AFAP1L2: variants seen among roughly 807,000 people sequenced by gnomAD.
The protein encoded by AFAP1L2 is actin filament associated protein 1 like 2, also known as actin filament-associated protein 1-like 2.
Under a neutral mutation model 99.3 loss-of-function variants are expected in AFAP1L2, and 46 were observed. The ratio of observed to expected loss-of-function variants is 0.46; its 90% CI spans 0.37 to 0.59. AFAP1L2 has a LOEUF of 0.59. Among genes scored for constraint, AFAP1L2 ranks in the 20% least tolerant of loss-of-function variants. AFAP1L2 has a pLI of 0.00. For synonymous variants in AFAP1L2, 397 were observed against 419.1 expected (o/e 0.95, Z 0.64); for missense variants, 959 against 1,034.9 (o/e 0.93, Z 1.01).
intron 4 of AFAP1L2, among the ~76,000 whole-genome samples, chr10:114,325,293 G>T (rs780679253): frequency 6.6e-6 from 1 of 152,208 alleles, no homozygotes; most frequent in Non-Finnish European, 1.5e-5. Context: ...CACTGTCTGG[G>T]GCCCCTCCAC....
chr10:114,384,329 C>T (rs74157596), intron 1 of AFAP1L2, among the ~76,000 whole-genome samples: 1,824 of 151,610 alleles, frequency 0.012, 43 homozygotes, highest in African/African-American at 0.042. Context: ...TGTCGTCCCC[C>T]CCCCGCTGCA....
rs938117274 is a variant in AFAP1L2 at position 114,313,993 on chromosome 10, T to G, written c.670A>C (p.Ser224Arg). 6.2e-7 allele frequency: 1 copy of G among 1,614,094 alleles called. No individual in the cohort carries two copies. The highest frequency in any genetic ancestry group is 1.3e-5 in the African/African-American group (1 of 75,036). ...PQLDVNLLGS[S>R]VIHKEKQVRK... ...ACTTGCTTCTCCTTGTGAATGACGC[T>G]GCTGCCCAGTAGGTTCACGTCCAGC... Residue 224 changes from serine to arginine, a missense_variant, in exon 7 of 19, where the codon AGC becomes CGC. Transcript: ENST00000304129.
intron 4 of AFAP1L2, 97 bp from the exon 5 acceptor site, chr10:114,323,358 GC>G: frequency 1.9e-6 from 2 of 1,068,352 alleles, no homozygotes; most frequent in South Asian, 1.4e-5. Context: ...AGACAAAAAT[GC>G]CCAGCTGGAC....
rs755406120 is a variant in AFAP1L2 at position 114,327,161 on chromosome 10, ATATATATATATATTTTTT to A, written c.316-3918_316-3901del. 5.6e-3 allele frequency among the ~76,000 whole-genome samples: 454 copies of A among 81,516 alleles called. 87 individuals carry two copies. Among genetic ancestry groups the A allele is most frequent in the East Asian group, 0.026 (25 of 974 alleles). The allele number at this position is 81,516 out of a possible 152,430, so 53.5% of individuals were successfully genotyped here. Reference sequence around the variant, plus strand: ...TTTATATATATTTATATATATATATATATATATATATATTTTTTTTTTAGGCAGAGTCTCACTGTGTTG... The same window carrying A: ...TTTATATATATTTATATATATATATATTTTAGGCAGAGTCTCACTGTGTTG... On this transcript the variant is annotated intron_variant, in intron 4 of 18. Coordinates refer to ENST00000304129, the MANE Select transcript of AFAP1L2 (RefSeq NM_001001936.3).
At chr10:114,398,983 C>T (rs1342900789) in intron 1 of AFAP1L2, 1 of 1,201,094 alleles carries the variant, frequency 8.3e-7, no homozygotes, top group African/African-American at 1.6e-5. Context: ...TTTCTGGAAT[C>T]TGCCTTTGAG....
chr10:114,389,296 A>T (rs911038923), intron 1 of AFAP1L2, among the ~76,000 whole-genome samples: 1 of 152,190 alleles, frequency 6.6e-6, no homozygotes, highest in Admixed American at 6.5e-5. Context: ...TTCAAGTAGA[A>T]ATAGAGATGA....
chr10:114,329,866 G>A (rs1267129811), intron 4 of AFAP1L2, among the ~76,000 whole-genome samples: 2 of 152,156 alleles, frequency 1.3e-5, no homozygotes, highest in African/African-American at 2.4e-5. Flanking sequence ...CCCAACTGTG[G>A]GACCGTGGCC....
At chr10:114,390,483 G>A (rs946274910) in intron 1 of AFAP1L2, among the ~76,000 whole-genome samples, 20 of 152,310 alleles carry the variant, frequency 1.3e-4, no homozygotes, top group Admixed American at 1.2e-3. Flanking sequence ...AGCACTTTGG[G>A]AGGCTGAGGC....
intron 5 of AFAP1L2, among the ~76,000 whole-genome samples, chr10:114,316,989 G>A (rs2044244758): frequency 6.6e-6 from 1 of 152,324 alleles, no homozygotes; most frequent in African/African-American, 2.4e-5. Flanking sequence ...CCGCATGGCA[G>A]TCCTTGTTCT....
rs2040169152 is a variant in AFAP1L2 at position 114,296,061 on chromosome 10, T to A, written c.2438A>T (p.Glu813Val). 6.2e-7 allele frequency: 1 copy of A among 1,614,044 alleles called. No individual in the cohort carries two copies. Among genetic ancestry groups the A allele is most frequent in the South Asian group, 1.1e-5 (1 of 91,084 alleles). Residue 813 changes from glutamate (E) to valine (V), a missense_variant, in exon 19 of 19, where the codon GAG becomes GTG. Physicochemically the swap from Glu to Val is moderately radical, Grantham distance 121. Coordinates refer to ENST00000304129, the MANE Select transcript of AFAP1L2 (RefSeq NM_001001936.3). Reference sequence around the variant, plus strand: ...TGTTTTCTAACTTGCTCCTTTCTTCTCCCATTCCTAGGGTACCATTCAAAT... The same window carrying A: ...TGTTTTCTAACTTGCTCCTTTCTTCACCCATTCCTAGGGTACCATTCAAAT... ...GTVLQKAKEW[E>V]KKGAS
chr10:114,378,086 C>A (rs1420531726), intron 1 of AFAP1L2, among the ~76,000 whole-genome samples: 1 of 152,242 alleles, frequency 6.6e-6, no homozygotes, highest in Admixed American at 6.5e-5. Context: ...TACCAATCAC[C>A]AGGTGTTCTG....
At chr10:114,395,243 G>A (rs952543316) in intron 1 of AFAP1L2, among the ~76,000 whole-genome samples, 1 of 152,160 alleles carries the variant, frequency 6.6e-6, no homozygotes, top group Admixed American at 6.5e-5. Flanking sequence ...ATTGGGTGCC[G>A]CAAAAGTCCT....
chr10:114,388,179 G>A (rs1018097435), intron 1 of AFAP1L2, among the ~76,000 whole-genome samples: 2 of 152,218 alleles, frequency 1.3e-5, no homozygotes, highest in South Asian at 2.1e-4. Flanking sequence ...GATGGGTGGC[G>A]GGGAAGCTCA....
intron 1 of AFAP1L2, among the ~76,000 whole-genome samples, chr10:114,352,133 C>G (rs1257048216): frequency 2.0e-5 from 3 of 152,136 alleles, no homozygotes; most frequent in Non-Finnish European, 4.4e-5. Flanking sequence ...TCTCCATAGA[C>G]TGTAAATACA....
chr10:114,286,436 G>C, the AFAP1L2 span: 1 of 1,613,226 alleles, frequency 6.2e-7, no homozygotes, highest in Non-Finnish European at 8.5e-7. Flanking sequence ...GCATGTGATG[G>C]TCTACTCGGA....
intron 10 of AFAP1L2, among the ~76,000 whole-genome samples, chr10:114,305,704 G>A (rs1740089768): frequency 6.9e-6 from 1 of 144,430 alleles, no homozygotes; most frequent in Non-Finnish European, 1.5e-5. Flanking sequence ...AGGGAGCGGG[G>A]CTGGAGGGGA....
intron 11 of AFAP1L2, among the ~76,000 whole-genome samples, chr10:114,303,113 T>G (rs917059784): frequency 6.6e-6 from 1 of 152,154 alleles, no homozygotes; most frequent in Non-Finnish European, 1.5e-5. Flanking sequence ...GGTACCTCAA[T>G]TAAAATGTCC....
At chr10:114,352,499 A>AAAAAAAAG (rs3061720) in intron 1 of AFAP1L2, among the ~76,000 whole-genome samples, 14 of 149,224 alleles carry the variant, frequency 9.4e-5, no homozygotes, top group Non-Finnish European at 1.6e-4. Flanking sequence ...AAAAAAAAAA[A>AAAAAAAAG]GCAACCGGAG....
chr10:114,300,413 TG>T lies in AFAP1L2; in HGVS notation c.1788+31del, dbSNP rs753699622. ...AGCTGGCTGAAGGGGCGCAGGAAGG[TG>T]GTCTTGCTGTCCTGCAGGGGAGGCC... On this transcript the variant is annotated intron_variant, in intron 14 of 18. Coordinates refer to ENST00000304129, the MANE Select transcript of AFAP1L2 (RefSeq NM_001001936.3). The T allele has an allele frequency of 2.5e-5, 40 of 1,587,004 alleles. No individual in the cohort carries two copies. The African/African-American group carries it at 5.7e-4, about 22-fold the overall frequency.
Sources: allele counts gnomAD v4.1 joint callset (sites outside exome capture counted in the v4.1 genomes callset), GRCh38; gene constraint gnomAD v4.1.1; transcripts MANE v1.5; gene names NCBI Gene and HGNC (gene_info 2026-07-23, HGNC 2026-07-21).